Variants in DOCK3 observed in about 807,000 individuals in gnomAD.
The protein encoded by DOCK3 is dedicator of cytokinesis 3, also known as dedicator of cytokinesis protein 3.
DOCK3 carries 60 observed loss-of-function variants against 265.6 expected under a neutral mutation model. The observed-to-expected ratio is 0.23, with a 90% CI of 0.18 to 0.28. The LOEUF (loss-of-function observed/expected upper bound fraction) is 0.28, where lower values mean the gene tolerates loss of function less well. Ranked by LOEUF, DOCK3 falls within the 10% of genes least tolerant of loss-of-function variation. The probability of loss-of-function intolerance (pLI) is 1.00; values close to 1 mark genes in which losing one functional copy is unlikely to be tolerated. For missense variants in DOCK3, 1,981 were observed against 2,594.3 expected (o/e 0.76, Z 5.14); for synonymous variants, 881 against 938.0 (o/e 0.94, Z 1.11).
At chr3:50,919,594 T>G (rs1283832083) in intron 4 of DOCK3, among the ~76,000 whole-genome samples, 1 of 152,198 alleles carries the variant, frequency 6.6e-6, no homozygotes, top group Non-Finnish European at 1.5e-5. Context: ...TTTTGTACAT[T>G]GATTTTGTAT....
At position 51,375,641 on chromosome 3, in the gene DOCK3, T is replaced by A. The variant is rs1420742794; in HGVS notation, c.5413-107T>A. The A allele has an allele frequency of 7.0e-6, 9 of 1,290,922 alleles. 1 individual carries two copies. Among genetic ancestry groups the A allele is most frequent in the Non-Finnish European group, 1.0e-5 (9 of 895,418 alleles). 80.0% of individuals were successfully genotyped at this position (1,290,922 alleles called of 1,614,324 possible). A position where few individuals can be genotyped will look rare whatever the true frequency, so the allele number is the denominator to read the frequency against. The stretch of plus-strand genomic sequence containing the variant: ...GTGTGAGCTGTGCCACTGCTTTGTT[T>A]TCCCCGTCTGATCTTGTAGTGTCCT... On this transcript the variant is annotated intron_variant, in intron 50 of 52. Transcript: ENST00000266037.
intron 2 of DOCK3, among the ~76,000 whole-genome samples, chr3:50,823,557 T>C (rs1377324735): frequency 2.0e-5 from 3 of 152,196 alleles, no homozygotes; most frequent in East Asian, 1.9e-4. Context: ...AAGTCTCCCA[T>C]GTCTACCTCT....
At chr3:50,755,650 C>T (rs559183272) in intron 1 of DOCK3, among the ~76,000 whole-genome samples, 1 of 152,226 alleles carries the variant, frequency 6.6e-6, no homozygotes, top group South Asian at 2.1e-4. Context: ...AAACTCTGTG[C>T]CCAATAGCAA....
chr3:50,996,943 A>C (rs989116306), intron 5 of DOCK3, among the ~76,000 whole-genome samples: 8 of 152,112 alleles, frequency 5.3e-5, no homozygotes, highest in Non-Finnish European at 8.8e-5. Context: ...ATCTTTGCTT[A>C]TGCTGCTTCT....
intron 27 of DOCK3, among the ~76,000 whole-genome samples, chr3:51,306,383 G>A (rs2082691891): frequency 6.6e-6 from 1 of 152,050 alleles, no homozygotes; most frequent in Admixed American, 6.5e-5. Flanking sequence ...TTCTAATGTG[G>A]CTCTATGCGA....
At chr3:50,802,148 CCTAT>C (rs1042890542) in intron 2 of DOCK3, among the ~76,000 whole-genome samples, 6 of 152,072 alleles carry the variant, frequency 3.9e-5, no homozygotes, top group African/African-American at 9.7e-5. Flanking sequence ...ATCCATTCAA[CCTAT>C]CTATGTCTTC....
Position 50,675,382 on chromosome 3 carries a change from G to T in DOCK3, c.37+82G>T, listed in dbSNP as rs1453727559. ...CGGCCCCGCCTGGATTCGCATCCTC[G>T]TGCCCCCGCCACTGCCCGCAGGCTG... On this transcript the variant is annotated intron_variant, in intron 1 of 52. Transcript: ENST00000266037. This position sits in a 1 kb window ranked among gnomAD's most constrained non-coding sequence, Gnocchi z 6.1. 2 of 1,127,616 alleles carry T rather than the reference G, an allele frequency of 1.8e-6. No individual in the cohort carries two copies. The highest frequency in any genetic ancestry group is 3.6e-4 in the Middle Eastern group (1 of 2,752). The allele number at this position is 1,127,616 out of a possible 1,614,324, so 69.9% of individuals were successfully genotyped here.
chr3:51,120,185 C>T (rs2083947216), intron 9 of DOCK3, among the ~76,000 whole-genome samples: 1 of 152,138 alleles, frequency 6.6e-6, no homozygotes, highest in African/African-American at 2.4e-5. Context: ...GATGCTATTC[C>T]TTTCTGTTTG....
intron 5 of DOCK3, among the ~76,000 whole-genome samples, chr3:50,953,939 A>G (rs772830570): frequency 6.6e-6 from 1 of 152,188 alleles, no homozygotes; most frequent in Non-Finnish European, 1.5e-5. Flanking sequence ...AAAATATGAC[A>G]TAAAATTTAC....
At chr3:51,201,209 A>G (rs1418452302) in intron 12 of DOCK3, among the ~76,000 whole-genome samples, 3 of 151,194 alleles carry the variant, frequency 2.0e-5, no homozygotes, top group Non-Finnish European at 4.4e-5. Context: ...TAAATGCTCC[A>G]ATTAAAAGAC....
chr3:50,790,671 C>T (rs1403779516), intron 2 of DOCK3, among the ~76,000 whole-genome samples: 2 of 152,062 alleles, frequency 1.3e-5, no homozygotes, highest in Non-Finnish European at 2.9e-5. Flanking sequence ...TATAGGGTTT[C>T]TGCTGAGAAA....
chr3:50,880,523 C>T, intron 3 of DOCK3: 1 of 198,054 alleles, frequency 5.0e-6, no homozygotes, highest in Non-Finnish European at 1.0e-5. Flanking sequence ...GCTAGAAAAT[C>T]TAGAAGAAAT....
At position 50,890,039 on chromosome 3, in the gene DOCK3, C is replaced by A. The variant is rs2048566433; in HGVS notation, c.176C>A (p.Ala59Glu). Residue 59 changes from alanine (A) to glutamate (E), a missense_variant, in exon 4 of 53, where the codon GCA (alanine) becomes GAA (glutamate). Around this residue, in one of 4 missense-constraint regions of DOCK3, gnomAD observed 456 missense variants for 539.0 expected, o/e 0.85. Transcript: ENST00000266037. ...TCTCTTTTACAGGGGATCTTTCCTGCAAATTACATTCACTTGAAAAAGGCA... is the reference window on the plus strand; with the variant it reads ...TCTCTTTTACAGGGGATCTTTCCTGAAAATTACATTCACTTGAAAAAGGCA... ...KKPNVKGIFP[A>E]NYIHLKKAIV... The A allele has an allele frequency of 2.1e-6, 3 of 1,415,846 alleles. No homozygotes were observed. The highest frequency in any genetic ancestry group is 2.7e-6 in the Non-Finnish European group (3 of 1,093,170). 87.7% of individuals were successfully genotyped at this position (1,415,846 alleles called of 1,614,324 possible). A position where few individuals can be genotyped will look rare whatever the true frequency, so the allele number is the denominator to read the frequency against.
rs565879136 is a variant in DOCK3, at chr3:50,846,780, A to G, written c.162+5065A>G. On this transcript the variant is annotated intron_variant, in intron 3 of 52. Transcript: ENST00000266037. ...TTTATCCATTTCCTCTAGATTTTCT[A>G]GTTTCCAATTTGCTGTAGATCTTCT... Among the ~76,000 whole-genome samples the G allele has an allele frequency of 2.0e-5, 3 of 152,242 alleles. No homozygotes were observed. In the South Asian group the frequency reaches 6.2e-4, roughly 32 times the overall value.
At chr3:51,162,356 T>C (rs567718803) in intron 12 of DOCK3, among the ~76,000 whole-genome samples, 32 of 152,356 alleles carry the variant, frequency 2.1e-4, no homozygotes, top group Non-Finnish European at 3.5e-4. Context: ...TAAGCTTTGT[T>C]CCTTTCAGAG....
intron 23 of DOCK3, among the ~76,000 whole-genome samples, chr3:51,268,336 A>G (rs2080310948): frequency 6.6e-6 from 1 of 152,046 alleles, no homozygotes; most frequent in African/African-American, 2.4e-5. Flanking sequence ...TCAAAAACAA[A>G]CAAAACTGCC....
intron 26 of DOCK3, among the ~76,000 whole-genome samples, chr3:51,279,460 A>G (rs1409227110): frequency 6.6e-6 from 1 of 152,314 alleles, no homozygotes; most frequent in East Asian, 1.9e-4. Flanking sequence ...TGAAGTCCTT[A>G]AAGCAGGATT....
At chr3:50,724,390 A>T (rs2037680178) in intron 1 of DOCK3, among the ~76,000 whole-genome samples, 1 of 152,178 alleles carries the variant, frequency 6.6e-6, no homozygotes, top group South Asian at 2.1e-4. Context: ...ACACATGCAC[A>T]CGTATGTTTA....
intron 1 of DOCK3, among the ~76,000 whole-genome samples, chr3:50,771,300 A>G (rs530577369): frequency 3.3e-5 from 5 of 152,238 alleles, no homozygotes; most frequent in Non-Finnish European, 7.3e-5. Flanking sequence ...ATTTGAGCAG[A>G]CATTTCTCAA....
Sources: allele counts gnomAD v4.1 joint callset (sites outside exome capture counted in the v4.1 genomes callset), GRCh38; gene constraint gnomAD v4.1.1; regional missense constraint gnomAD v4.1.1; non-coding constraint Gnocchi (gnomAD v3.1); transcripts MANE v1.5; gene names NCBI Gene and HGNC (gene_info 2026-07-23, HGNC 2026-07-21).